The following SEC22A variants were observed in gnomAD, a reference collection of about 807,000 sequenced individuals.
The protein encoded by SEC22A is vesicle-trafficking protein SEC22a.
SEC22A carries 22 observed loss-of-function variants against 35.3 expected under a neutral mutation model. The observed-to-expected ratio is 0.62, with a 90% CI of 0.45 to 0.89. The LOEUF (loss-of-function observed/expected upper bound fraction) is 0.89. Among genes scored for constraint, SEC22A ranks in the 40% least tolerant of loss-of-function variants. The probability of loss-of-function intolerance (pLI) is 0.00; values close to 1 mark genes in which losing one functional copy is unlikely to be tolerated. For missense variants in SEC22A, 354 were observed against 362.5 expected (o/e 0.98, Z 0.19); for synonymous variants, 119 against 129.5 (o/e 0.92, Z 0.55).
chr3:123,224,702 G>T lies in SEC22A; in HGVS notation c.347-401G>T, dbSNP rs571043743. ...GCTGCTTGGGAGACTGAGGCAGAAG[G>T]ATCACTTGAGCACAGGAGTTTGAGG... On this transcript the variant is annotated intron_variant, in intron 3 of 6. Transcript: ENST00000492595. 2.6e-5 allele frequency among the ~76,000 whole-genome samples: 4 copies of T among 152,198 alleles called. No individual in the cohort carries two copies. In the East Asian group the frequency reaches 7.7e-4, roughly 29 times the overall value.
chr3:123,244,388 C>T (rs1468605258), intron 4 of SEC22A, among the ~76,000 whole-genome samples: 1 of 152,138 alleles, frequency 6.6e-6, no homozygotes, highest in East Asian at 1.9e-4. Context: ...TTAAAGGAGA[C>T]TTATGCTTTT....
At chr3:123,241,579 G>A in intron 4 of SEC22A, among the ~76,000 whole-genome samples, 1 of 151,994 alleles carries the variant, frequency 6.6e-6, no homozygotes, top group East Asian at 1.9e-4. Context: ...TTCCACCTAT[G>A]TATGTATTCA....
At chr3:123,269,130 G>C (rs1271931614) in intron 6 of SEC22A, among the ~76,000 whole-genome samples, 1 of 151,300 alleles carries the variant, frequency 6.6e-6, no homozygotes, top group East Asian at 1.9e-4. Flanking sequence ...TAATATGTGG[G>C]GTAGAGACCT....
chr3:123,216,047 T>A (rs1318742063), intron 2 of SEC22A, among the ~76,000 whole-genome samples: 1 of 152,208 alleles, frequency 6.6e-6, no homozygotes, highest in East Asian at 1.9e-4. Context: ...TTTCCTATTT[T>A]GTCTCATTAC....
chr3:123,203,092 G>T (rs1936783620), intron 1 of SEC22A, among the ~76,000 whole-genome samples: 1 of 79,410 alleles, frequency 1.3e-5, no homozygotes, highest in African/African-American at 6.3e-5. Flanking sequence ...TTTTTTGCGT[G>T]CAACTGGTTA....
chr3:123,247,521 C>A (rs1937577057), intron 5 of SEC22A, among the ~76,000 whole-genome samples: 1 of 152,078 alleles, frequency 6.6e-6, no homozygotes, highest in South Asian at 2.1e-4. Context: ...TTTTTTTCTC[C>A]TCTGATTTAA....
At chr3:123,240,979 T>C (rs73856880) in intron 4 of SEC22A, among the ~76,000 whole-genome samples, 2,251 of 148,232 alleles carry the variant, frequency 0.015, 50 homozygotes, top group African/African-American at 0.053. Context: ...ACAAGCCAAA[T>C]AGATTTACTA....
rs761731734 is a variant in SEC22A, at chr3:123,209,276, C to A, written c.59C>A (p.Ala20Asp). ...IRVRDGLPLS[A>D]STDYEQSTGM... ...GTCAGAGATGGACTGCCACTTTCTG[C>A]TTCTACTGATTATGAACAAAGCACA... Residue 20 changes from alanine to aspartate, a missense_variant, in exon 2 of 7, where the codon GCT becomes GAT. Ala to Asp is a moderately radical substitution (Grantham distance 126). Coordinates refer to ENST00000492595, the MANE Select transcript of SEC22A (RefSeq NM_012430.5). 1.9e-6 allele frequency: 3 copies of A among 1,614,080 alleles called. No homozygotes were observed. Among genetic ancestry groups the A allele is most frequent in the Non-Finnish European group, 8.5e-7 (1 of 1,179,970 alleles).
At chr3:123,234,595 A>T (rs556836592) in intron 4 of SEC22A, among the ~76,000 whole-genome samples, 87 of 152,034 alleles carry the variant, frequency 5.7e-4, no homozygotes, top group East Asian at 3.9e-3. Context: ...CCTCAAAAAA[A>T]ATATATAAAT....
At chr3:123,256,408 T>C (rs1937733331) in intron 5 of SEC22A, among the ~76,000 whole-genome samples, 1 of 151,466 alleles carries the variant, frequency 6.6e-6, no homozygotes, top group South Asian at 2.1e-4. Flanking sequence ...ACTTAGTGCA[T>C]GGTGTCATTC....
At chr3:123,212,617 A>G (rs1936955588) in intron 2 of SEC22A, among the ~76,000 whole-genome samples, 1 of 152,154 alleles carries the variant, frequency 6.6e-6, no homozygotes. Context: ...TAACGTTTTA[A>G]CATCCCTTCA....
intron 2 of SEC22A, among the ~76,000 whole-genome samples, chr3:123,213,687 C>A (rs1936977515): frequency 1.3e-5 from 2 of 152,132 alleles, no homozygotes; most frequent in South Asian, 4.1e-4. Context: ...ATGGCTTATA[C>A]TATTTTTGAT....
intron 4 of SEC22A, among the ~76,000 whole-genome samples, chr3:123,238,024 C>T (rs572509086): frequency 5.3e-5 from 8 of 151,944 alleles, no homozygotes; most frequent in Middle Eastern, 3.4e-3. Flanking sequence ...CATGGTGGCA[C>T]GTGACTGTAG....
intron 2 of SEC22A, among the ~76,000 whole-genome samples, chr3:123,210,445 AAGG>A (rs1936923588): frequency 6.6e-6 from 1 of 152,230 alleles, no homozygotes; most frequent in Admixed American, 6.5e-5. Flanking sequence ...ATGAGCAAGA[AAGG>A]AGAGGATAAG....
chr3:123,220,881 C>T (rs6764776), intron 2 of SEC22A, among the ~76,000 whole-genome samples: 32,783 of 86,264 alleles, frequency 0.38, 6,487 homozygotes, highest in Non-Finnish European at 0.45. Context: ...TATATATATA[C>T]ATATATATAT....
chr3:123,221,470 C>CAAAAA lies in SEC22A; in HGVS notation c.183-2069_183-2065dup, dbSNP rs56800842. Among the ~76,000 whole-genome samples the CAAAAA allele has an allele frequency of 1.4e-3, 82 of 60,588 alleles. 2 individuals carry two copies. The highest frequency in any genetic ancestry group is 5.1e-3 in the African/African-American group (74 of 14,644). The allele number at this position is 60,588 out of a possible 152,430, so 39.7% of individuals were successfully genotyped here. Reference sequence around the variant, plus strand: ...TGGGTGACAGAGCAAGAGTCCATCTCAAAAAAAAAAAAAAAAAAAAAAAAG... The same window carrying CAAAAA: ...TGGGTGACAGAGCAAGAGTCCATCTCAAAAAAAAAAAAAAAAAAAAAAAAAAAAAG... On this transcript the variant is annotated intron_variant, in intron 2 of 6. Transcript: ENST00000492595.
At chr3:123,236,016 G>A (rs1937413043) in intron 4 of SEC22A, among the ~76,000 whole-genome samples, 1 of 152,148 alleles carries the variant, frequency 6.6e-6, no homozygotes, top group Non-Finnish European at 1.5e-5. Context: ...GAGACAGGAA[G>A]TAGATTAATG....
chr3:123,220,881 C>CTATATATATATAT (rs1937110221), intron 2 of SEC22A, among the ~76,000 whole-genome samples: 1 of 93,168 alleles, frequency 1.1e-5, no homozygotes, highest in African/African-American at 3.8e-5. Flanking sequence ...TATATATATA[C>CTATATATATATAT]ATATATATAT....
chr3:123,242,011 T>A (rs1327775634), intron 4 of SEC22A, among the ~76,000 whole-genome samples: 2 of 152,188 alleles, frequency 1.3e-5, no homozygotes, highest in Non-Finnish European at 2.9e-5. Context: ...TCTAATACTT[T>A]TTACTTTAAG....
Sources: allele counts gnomAD v4.1 joint callset (sites outside exome capture counted in the v4.1 genomes callset), GRCh38; gene constraint gnomAD v4.1.1; transcripts MANE v1.5; gene names NCBI Gene and HGNC (gene_info 2026-07-23, HGNC 2026-07-21).